The following EPB41L2 variants were observed in gnomAD, a reference collection of about 807,000 sequenced individuals.
The protein encoded by EPB41L2 is band 4.1-like protein 2.
EPB41L2 carries 43 observed loss-of-function variants against 113.0 expected under a neutral mutation model. The ratio of observed to expected loss-of-function variants is 0.38; its 90% CI spans 0.30 to 0.49. The LOEUF (loss-of-function observed/expected upper bound fraction) is 0.49. EPB41L2 is among the 20% of genes least tolerant of loss of function. The probability of loss-of-function intolerance (pLI) is 0.95; values close to 1 mark genes in which losing one functional copy is unlikely to be tolerated. For missense variants in EPB41L2, 1,147 were observed against 1,223.4 expected (o/e 0.94, Z 0.93); for synonymous variants, 442 against 436.7 (o/e 1.01, Z -0.15).
intron 1 of EPB41L2, among the ~76,000 whole-genome samples, chr6:131,034,969 C>A (rs926846464): frequency 1.3e-5 from 2 of 152,202 alleles, no homozygotes; most frequent in African/African-American, 4.8e-5. Context: ...AGATTCTTCA[C>A]ACCTAACTGC....
At chr6:130,940,464 C>CTT (rs201049585) in intron 3 of EPB41L2, among the ~76,000 whole-genome samples, 8 of 142,966 alleles carry the variant, frequency 5.6e-5, no homozygotes, top group African/African-American at 1.1e-4. Context: ...CTAAATATAT[C>CTT]TTTTTTTTTT....
At chr6:130,873,839 G>A (rs1786576860) in intron 14 of EPB41L2, among the ~76,000 whole-genome samples, 1 of 152,146 alleles carries the variant, frequency 6.6e-6, no homozygotes, top group African/African-American at 2.4e-5. Context: ...TAAGAAGGGT[G>A]AGGAGCGCAG....
intron 1 of EPB41L2, among the ~76,000 whole-genome samples, chr6:131,001,129 G>C (rs1289639603): frequency 6.6e-6 from 1 of 152,202 alleles, no homozygotes; most frequent in South Asian, 2.1e-4. Context: ...AGAAGAGAGC[G>C]TAAATGAGTG....
chr6:130,936,450 T>A (rs118175498), intron 3 of EPB41L2, among the ~76,000 whole-genome samples: 1,940 of 152,324 alleles, frequency 0.013, 17 homozygotes, highest in Non-Finnish European at 0.019. Flanking sequence ...TATTTTTAAA[T>A]CTTGTGGGGT....
At chr6:130,896,298 A>G (rs901011964) in intron 8 of EPB41L2, among the ~76,000 whole-genome samples, 2 of 152,252 alleles carry the variant, frequency 1.3e-5, no homozygotes, top group Non-Finnish European at 2.9e-5. Context: ...AAAAAATCCA[A>G]TCAATTGCTT....
At chr6:130,989,552 G>A (rs1781352740) in intron 1 of EPB41L2, among the ~76,000 whole-genome samples, 1 of 152,152 alleles carries the variant, frequency 6.6e-6, no homozygotes, top group Admixed American at 6.5e-5. Context: ...GAGCGTTTGA[G>A]GTCTGCTCTA....
chr6:130,857,549 CTTTTTTTTTTTTT>C (rs10557309), intron 19 of EPB41L2, among the ~76,000 whole-genome samples: 3 of 72,818 alleles, frequency 4.1e-5, no homozygotes, highest in Non-Finnish European at 7.1e-5. Flanking sequence ...TCAGATGTAT[CTTTTTTTTTTTTT>C]TTTTTTTTTT....
At position 130,992,278 on chromosome 6, in the gene EPB41L2, C is replaced by T. The variant is rs140094906; in HGVS notation, c.-14-35779G>A. ...TCAGTATGAAAAATTTATGTATCTACAGTTTTGCTGGTCAAATTCCTATCA... is the reference window on the plus strand; with the variant it reads ...TCAGTATGAAAAATTTATGTATCTATAGTTTTGCTGGTCAAATTCCTATCA... On this transcript the variant is annotated intron_variant, in intron 1 of 19. Transcript: ENST00000337057. 3.5e-3 allele frequency among the ~76,000 whole-genome samples: 537 copies of T among 152,194 alleles called. 2 individuals are homozygous for T. Among genetic ancestry groups the T allele is most frequent in the African/African-American group, 0.013 (521 of 41,512 alleles).
At chr6:130,867,968 ACACACTCTCTCT>A (rs764044515) in intron 15 of EPB41L2, 20,397 of 132,180 alleles carry the variant, frequency 0.15, 1,687 homozygotes, top group African/African-American at 0.28. Flanking sequence ...ACACACACAC[ACACACTCTCTCT>A]CTCTCTCTCT....
intron 1 of EPB41L2, among the ~76,000 whole-genome samples, chr6:131,007,855 G>A (rs1216533885): frequency 1.3e-5 from 2 of 152,210 alleles, no homozygotes; most frequent in African/African-American, 2.4e-5. Context: ...ATGTGACCTG[G>A]ATTATTCTGA....
At chr6:130,848,195 T>TCACACA (rs1196871205) in intron 19 of EPB41L2, among the ~76,000 whole-genome samples, 1 of 110,692 alleles carries the variant, frequency 9.0e-6, no homozygotes, top group African/African-American at 4.6e-5. Context: ...TCTCTCTCTC[T>TCACACA]CTCTCACACA....
intron 19 of EPB41L2, among the ~76,000 whole-genome samples, chr6:130,841,031 A>G (rs1346074600): frequency 6.6e-6 from 1 of 152,148 alleles, no homozygotes; most frequent in Non-Finnish European, 1.5e-5. Flanking sequence ...CATGGAGGTG[A>G]AGAAGTACAC....
At chr6:130,891,125 A>C (rs1465550447) in intron 10 of EPB41L2, among the ~76,000 whole-genome samples, 1 of 152,208 alleles carries the variant, frequency 6.6e-6, no homozygotes, top group Non-Finnish European at 1.5e-5. Flanking sequence ...CTTTGATCAA[A>C]AGTTGACAAA....
chr6:131,010,740 CA>C (rs1041883707), intron 1 of EPB41L2, among the ~76,000 whole-genome samples: 30 of 152,238 alleles, frequency 2.0e-4, no homozygotes, highest in African/African-American at 6.7e-4. Context: ...TTTTTAAAAA[CA>C]TCAGATTTGA....
At chr6:130,908,943 T>A in intron 4 of EPB41L2, 80 bp from the exon 5 acceptor site, 1 of 1,139,928 alleles carries the variant, frequency 8.8e-7, no homozygotes, top group Non-Finnish European at 1.3e-6. Context: ...CATAATTATT[T>A]AAGTGTAAAC....
chr6:130,921,325 T>G (rs1802799574), intron 4 of EPB41L2, among the ~76,000 whole-genome samples: 1 of 152,108 alleles, frequency 6.6e-6, no homozygotes, highest in African/African-American at 2.4e-5. Context: ...AAGAATGATA[T>G]TTGCTTATTT....
chr6:131,011,577 T>C (rs887317549), intron 1 of EPB41L2, among the ~76,000 whole-genome samples: 2 of 152,232 alleles, frequency 1.3e-5, no homozygotes, highest in African/African-American at 4.8e-5. Flanking sequence ...TAATCACAAC[T>C]GCATTCTCTG....
intron 4 of EPB41L2, among the ~76,000 whole-genome samples, chr6:130,919,952 G>C (rs1249938482): frequency 6.6e-6 from 1 of 152,102 alleles, no homozygotes; most frequent in Non-Finnish European, 1.5e-5. Context: ...ACAGAGATTG[G>C]AGACTACAAT....
At chr6:131,012,209 C>T (rs183859636) in intron 1 of EPB41L2, among the ~76,000 whole-genome samples, 3 of 150,974 alleles carry the variant, frequency 2.0e-5, no homozygotes, top group East Asian at 1.9e-4. Context: ...TAGATGGGGG[C>T]GGGGGGAGCT....
Sources: gnomAD v4.1 joint callset for allele counts (sites outside exome capture counted in the v4.1 genomes callset) on GRCh38, gnomAD v4.1.1 for gene constraint, MANE v1.5 for transcripts, NCBI Gene and HGNC (gene_info 2026-07-23, HGNC 2026-07-21) for gene names.